The following KCNU1 variants were observed in gnomAD, a reference collection of about 807,000 sequenced individuals.
The protein encoded by KCNU1 is potassium channel subfamily U member 1.
Under a neutral mutation model 126.8 loss-of-function variants are expected in KCNU1, and 93 were observed. The observed-to-expected ratio is 0.73, with a 90% confidence interval of 0.62 to 0.87. The LOEUF is 0.87. Among genes scored for constraint, KCNU1 ranks in the 40% least tolerant of loss-of-function variants. KCNU1 has a pLI of 0.00. For missense variants in KCNU1, 1,330 were observed against 1,367.1 expected, an observed-to-expected ratio of 0.97 and a Z score of 0.43; for synonymous variants, 523 against 494.2, an observed-to-expected ratio of 1.06 and a Z score of -0.77.
intron 19 of KCNU1, among the ~76,000 whole-genome samples, chr8:36,880,817 T>C (rs1312994559): frequency 1.3e-5 from 2 of 152,148 alleles, no homozygotes; most frequent in African/African-American, 4.8e-5. Context: ...ATATTACTTT[T>C]TTCCTAAAAA....
intron 2 of KCNU1, among the ~76,000 whole-genome samples, chr8:36,802,154 G>GACCCCAAC (rs1263937278): frequency 6.9e-6 from 1 of 145,362 alleles, no homozygotes; most frequent in Admixed American, 6.9e-5. Flanking sequence ...TAAGAGCTGA[G>GACCCCAAC]ACCCCAACAC....
chr8:36,819,270 C>A (rs1174268185), intron 10 of KCNU1, among the ~76,000 whole-genome samples: 1 of 152,134 alleles, frequency 6.6e-6, no homozygotes, highest in Admixed American at 6.5e-5. Flanking sequence ...GCCCCTCAAG[C>A]TCAACATTCT....
intron 19 of KCNU1, among the ~76,000 whole-genome samples, chr8:36,878,947 A>G (rs1806368517): frequency 6.8e-6 from 1 of 147,564 alleles, no homozygotes; most frequent in South Asian, 2.1e-4. Context: ...GAACAATTTT[A>G]TATATAGGAA....
chr8:36,894,891 A>G (rs1485484372), intron 19 of KCNU1, among the ~76,000 whole-genome samples: 2 of 152,138 alleles, frequency 1.3e-5, no homozygotes, highest in Non-Finnish European at 2.9e-5. Context: ...TGTGTTATCC[A>G]TCAGAAAGTA....
chr8:36,803,069 T>A (rs1473774873), intron 2 of KCNU1, among the ~76,000 whole-genome samples: 1 of 152,114 alleles, frequency 6.6e-6, no homozygotes, highest in East Asian at 1.9e-4. Context: ...GCAAGTTCCT[T>A]CTCTGATCTC....
chr8:36,908,863 A>G (rs1807744744), intron 20 of KCNU1, among the ~76,000 whole-genome samples: 2 of 152,152 alleles, frequency 1.3e-5, no homozygotes, highest in South Asian at 4.1e-4. Context: ...GCAATATGTT[A>G]TACAGCTTGC....
At chr8:36,930,897 C>A (rs1303593163) in intron 24 of KCNU1, 54 bp from the exon 25 acceptor site, 13 of 1,321,988 alleles carry the variant, frequency 9.8e-6, no homozygotes, top group Non-Finnish European at 1.4e-5. Context: ...TACCCCTCCA[C>A]AGTTCACATA....
At chr8:36,906,043 C>G (rs181712924) in intron 20 of KCNU1, among the ~76,000 whole-genome samples, 6 of 152,258 alleles carry the variant, frequency 3.9e-5, no homozygotes, top group Non-Finnish European at 5.9e-5. Flanking sequence ...ATGTCTTCAA[C>G]TATTTCCTCT....
chr8:36,807,014 A>C (rs2130424350), intron 5 of KCNU1, among the ~76,000 whole-genome samples: 1 of 152,344 alleles, frequency 6.6e-6, no homozygotes. Flanking sequence ...TCCGTTCTAA[A>C]GAAGAGTTAA....
intron 16 of KCNU1, among the ~76,000 whole-genome samples, chr8:36,841,518 C>T (rs1212634758): frequency 1.3e-5 from 2 of 152,046 alleles, no homozygotes; most frequent in Non-Finnish European, 2.9e-5. Context: ...ATGGTGAAAC[C>T]CTGTCTCTAC....
chr8:36,865,957 T>C (rs760230447), intron 19 of KCNU1, among the ~76,000 whole-genome samples: 7 of 151,964 alleles, frequency 4.6e-5, no homozygotes, highest in Non-Finnish European at 1.0e-4. Flanking sequence ...CGATATCGCT[T>C]ATATGTGGAC....
intron 19 of KCNU1, among the ~76,000 whole-genome samples, chr8:36,900,535 T>A: frequency 6.6e-6 from 1 of 152,090 alleles, no homozygotes; most frequent in East Asian, 1.9e-4. Context: ...TGGGAAGCAC[T>A]GATTATGTAA....
chr8:36,808,307 TC>T (rs1244188185), intron 6 of KCNU1, among the ~76,000 whole-genome samples: 3 of 152,138 alleles, frequency 2.0e-5, no homozygotes, highest in Non-Finnish European at 4.4e-5. Context: ...GCAAATCTGC[TC>T]CCTGGATTTC....
At chr8:36,864,118 A>G (rs975641551) in intron 18 of KCNU1, among the ~76,000 whole-genome samples, 2 of 152,108 alleles carry the variant, frequency 1.3e-5, no homozygotes, top group Non-Finnish European at 2.9e-5. Flanking sequence ...TAGCAAATGC[A>G]CTTGGGTGAA....
chr8:36,936,044 C>A lies in KCNU1; in HGVS notation c.*124C>A. ...TTTTTCTGCCCATTGCTTAGTGGTT[C>A]ATGAAGGCCACACTGTTTTGGGTGA... On this transcript the variant is annotated 3_prime_UTR_variant, in exon 27 of 27. Transcript: ENST00000399881. 1.3e-6 allele frequency: 1 copy of A among 797,062 alleles called. No individual in the cohort carries two copies. Among genetic ancestry groups the A allele is most frequent in the Non-Finnish European group, 1.9e-6 (1 of 517,450 alleles). 49.4% of individuals were successfully genotyped at this position (797,062 alleles called of 1,614,324 possible). A position where few individuals can be genotyped will look rare whatever the true frequency, so the allele number is the denominator to read the frequency against.
intron 5 of KCNU1, among the ~76,000 whole-genome samples, chr8:36,807,059 G>T (rs1803527461): frequency 6.6e-6 from 1 of 152,120 alleles, no homozygotes; most frequent in African/African-American, 2.4e-5. Context: ...TAATATGTGA[G>T]GCATGCTTCT....
At position 36,870,196 on chromosome 8, in the gene KCNU1, G is replaced by A. The variant is rs1015126185; in HGVS notation, c.2009+5675G>A. On this transcript the variant is annotated intron_variant, in intron 19 of 26. Transcript: ENST00000399881. ...TCCATCCAGAAGGACTGCCAGGATA[G>A]GCTTTGCCAAGCTGGAAGCTTGCTA... 5.3e-5 allele frequency among the ~76,000 whole-genome samples: 8 copies of A among 152,292 alleles called. No homozygotes were observed. In the East Asian group the frequency reaches 7.7e-4, roughly 15 times the overall value.
chr8:36,787,239 G>GT lies in KCNU1; in HGVS notation c.196-66dup, dbSNP rs1404797101. 10 of 1,421,538 alleles carry GT rather than the reference G, an allele frequency of 7.0e-6. No individual in the cohort carries two copies. The African/African-American group carries it at 1.0e-4, about 14-fold the overall frequency. 88.1% of individuals were successfully genotyped at this position (1,421,538 alleles called of 1,614,324 possible). ...TACCATCACAAGAGGCTCCATCAAC[G>GT]TAAGTAGAACAGATTTCTTTCTCTC... On this transcript the variant is annotated intron_variant, in intron 1 of 26. Coordinates refer to ENST00000399881, the MANE Select transcript of KCNU1 (RefSeq NM_001031836.3).
chr8:36,921,714 TCTTCTC>T (rs1808356759), intron 23 of KCNU1, among the ~76,000 whole-genome samples: 2 of 149,894 alleles, frequency 1.3e-5, no homozygotes, highest in Admixed American at 6.6e-5. Flanking sequence ...CCTGTGCATC[TCTTCTC>T]ACGGACCACA....
Sources: gnomAD v4.1 joint callset for allele counts (sites outside exome capture counted in the v4.1 genomes callset) on GRCh38, gnomAD v4.1.1 for gene constraint, MANE v1.5 for transcripts, NCBI Gene and HGNC (gene_info 2026-07-23, HGNC 2026-07-21) for gene names.